The following CDKL1 variants were observed in gnomAD, a reference collection of about 807,000 sequenced individuals.
CDKL1 encodes cyclin dependent kinase like 1.
CDKL1 carries 41 observed loss-of-function variants against 42.0 expected under a neutral mutation model. The ratio of observed to expected loss-of-function variants is 0.98; its 90% CI spans 0.76 to 1.27. The LOEUF is 1.27. CDKL1 is among the 50% of genes most tolerant of loss of function. CDKL1 has a pLI of 0.00. For synonymous variants in CDKL1, 153 were observed against 158.6 expected (o/e 0.96, Z 0.26); for missense variants, 394 against 428.4 (o/e 0.92, Z 0.71).
intron 2 of CDKL1, chr14:50,390,466 TTATTCTATTG>T (rs1183301540): frequency 8.7e-7 from 1 of 1,152,084 alleles, no homozygotes; most frequent in African/African-American, 1.6e-5. Flanking sequence ...AGTAATACAA[TTATTCTATTG>T]TATTACTTTG....
chr14:50,340,906 C>A (rs11570840), intron 6 of CDKL1, 126 bp downstream of exon 6: 1 of 950,718 alleles, frequency 1.1e-6, no homozygotes, highest in African/African-American at 1.7e-5. Flanking sequence ...AATGAGGCTT[C>A]GAGTTTTCCT....
At chr14:50,362,765 GGACCAATCACCTCTCTGTAAAACA>G (rs2034307273) in intron 2 of CDKL1, 2 of 234,074 alleles carry the variant, frequency 8.5e-6, no homozygotes. Context: ...CTGTCAAAAC[GGACCAATCACCTCTCTGTAAAACA>G]GACCAATTGG....
At position 50,390,133 on chromosome 14, in the gene CDKL1, C is replaced by T. The variant is rs750487492; in HGVS notation, c.168+5568G>A. 4 of 1,365,168 alleles carry T rather than the reference C, an allele frequency of 2.9e-6. No individual in the cohort carries two copies. In the Admixed American group the frequency reaches 7.6e-5, roughly 26 times the overall value. The allele number at this position is 1,365,168 out of a possible 1,614,324, so 84.6% of individuals were successfully genotyped here. A position where few individuals can be genotyped will look rare whatever the true frequency, so the allele number is the denominator to read the frequency against. Reference sequence around the variant, plus strand: ...TACTAGGTCCCTTGCCCCTACCTGCCACATAGCAGTAGATGATTCCTTCTC... The same window carrying T: ...TACTAGGTCCCTTGCCCCTACCTGCTACATAGCAGTAGATGATTCCTTCTC... On this transcript the variant is annotated intron_variant, in intron 2 of 9. Coordinates refer to ENST00000395834, the MANE Select transcript of CDKL1 (RefSeq NM_004196.7).
chr14:50,361,150 A>G lies in CDKL1; in HGVS notation c.169-2001T>C, dbSNP rs147773136. 2.8e-3 allele frequency among the ~76,000 whole-genome samples: 425 copies of G among 152,212 alleles called. 2 individuals carry two copies. In the Middle Eastern group the frequency reaches 0.048, roughly 17 times the overall value. Reference sequence around the variant, plus strand: ...GGTATTAATCATAGACAAGCAGGCTACTCCATCAGTGATAAAAGGTAAAAG... The same window carrying G: ...GGTATTAATCATAGACAAGCAGGCTGCTCCATCAGTGATAAAAGGTAAAAG... On this transcript the variant is annotated intron_variant, in intron 2 of 9. Transcript: ENST00000395834.
intron 3 of CDKL1, among the ~76,000 whole-genome samples, chr14:50,352,846 G>C (rs2033943472): frequency 6.6e-6 from 1 of 152,198 alleles, no homozygotes; most frequent in African/African-American, 2.4e-5. Context: ...TAAAACTAGA[G>C]TGCCAACGTA....
At chr14:50,332,955 A>G (rs541606661) in intron 8 of CDKL1, 82 of 307,690 alleles carry the variant, frequency 2.7e-4, no homozygotes, top group African/African-American at 1.6e-3. Context: ...TTGATGCATT[A>G]TAAGTATATA....
intron 4 of CDKL1, chr14:50,342,714 C>T: frequency 2.8e-6 from 1 of 358,382 alleles, no homozygotes; most frequent in South Asian, 4.4e-5. Context: ...CAAATTGGTG[C>T]ATAAGCAGAA....
At chr14:50,378,731 C>G (rs899869366) in intron 2 of CDKL1, among the ~76,000 whole-genome samples, 1 of 152,072 alleles carries the variant, frequency 6.6e-6, no homozygotes, top group Non-Finnish European at 1.5e-5. Flanking sequence ...GAGACAGGGT[C>G]TTACCATCTT....
At chr14:50,388,828 G>A (rs1322166780) in intron 2 of CDKL1, among the ~76,000 whole-genome samples, 1 of 152,100 alleles carries the variant, frequency 6.6e-6, no homozygotes, top group Non-Finnish European at 1.5e-5. Flanking sequence ...AGCTGGGTGT[G>A]GTGGCTCATG....
chr14:50,384,267 C>T (rs148231904), intron 2 of CDKL1, among the ~76,000 whole-genome samples: 2 of 152,328 alleles, frequency 1.3e-5, no homozygotes, highest in African/African-American at 4.8e-5. Context: ...CTGTCCAATC[C>T]CTAAGGCCCC....
In CDKL1 at chr14:50,327,875, AAC is replaced by A. The variant is rs757380688; in HGVS notation, c.*2197_*2198del. On this transcript the variant is annotated 3_prime_UTR_variant, in exon 10 of 10. Transcript: ENST00000395834. ...GTTGTGTTTAACAGCTTATACAAAT[AAC>A]ACAGTATAAATGGTAATTGCCACTG... 1 of 152,216 alleles carries A rather than the reference AAC, an allele frequency of 6.6e-6. No individual in the cohort carries two copies. Among genetic ancestry groups the A allele is most frequent in the Non-Finnish European group, 1.5e-5 (1 of 68,044 alleles). The allele number at this position is 152,216 out of a possible 1,614,324, so 9.4% of individuals were successfully genotyped here. A position where few individuals can be genotyped will look rare whatever the true frequency, so the allele number is the denominator to read the frequency against.
chr14:50,344,842 T>A (rs2033675365), intron 4 of CDKL1, 144 bp downstream of exon 4: 1 of 607,744 alleles, frequency 1.6e-6, no homozygotes, highest in African/African-American at 1.9e-5. Context: ...AGGTTGGCAT[T>A]TTTAGCCTAT....
chr14:50,341,926 C>G (rs763169814), intron 5 of CDKL1, among the ~76,000 whole-genome samples: 7 of 152,204 alleles, frequency 4.6e-5, no homozygotes, highest in Non-Finnish European at 7.3e-5. Context: ...AACTACTTTA[C>G]TGTGGTATAA....
intron 8 of CDKL1, chr14:50,333,390 A>G (rs1446290752): frequency 6.6e-6 from 1 of 152,224 alleles, no homozygotes; most frequent in Non-Finnish European, 1.5e-5. Context: ...ATGTGTTAGC[A>G]TGCTAAAAGA....
At chr14:50,369,640 A>G (rs1189834974) in intron 2 of CDKL1, among the ~76,000 whole-genome samples, 1 of 151,250 alleles carries the variant, frequency 6.6e-6, no homozygotes, top group Non-Finnish European at 1.5e-5. Flanking sequence ...ACACACATAT[A>G]TATATAGTTG....
intron 2 of CDKL1, among the ~76,000 whole-genome samples, chr14:50,377,310 C>CA (rs2139505454): frequency 6.6e-6 from 1 of 152,240 alleles, no homozygotes; most frequent in South Asian, 2.1e-4. Context: ...AGCCTTGGAC[C>CA]AATGGGGGAC....
chr14:50,392,452 AAAT>A (rs56882058), intron 2 of CDKL1, among the ~76,000 whole-genome samples: 13,552 of 134,382 alleles, frequency 0.1, 859 homozygotes, highest in African/African-American at 0.2. Context: ...TCCAAAAAAG[AAAT>A]AATAATAATA....
At chr14:50,346,430 A>C (rs1401069277) in intron 3 of CDKL1, among the ~76,000 whole-genome samples, 1 of 151,860 alleles carries the variant, frequency 6.6e-6, no homozygotes, top group Non-Finnish European at 1.5e-5. Context: ...AAGATGAGAC[A>C]TTAGGGGGAA....
intron 7 of CDKL1, among the ~76,000 whole-genome samples, chr14:50,337,496 C>T (rs1228355498): frequency 2.0e-5 from 3 of 151,700 alleles, no homozygotes; most frequent in African/African-American, 7.3e-5. Context: ...GAGCTATAGG[C>T]ATGTGTCTCC....
Sources: gnomAD v4.1 joint callset for allele counts (sites outside exome capture counted in the v4.1 genomes callset) on GRCh38, gnomAD v4.1.1 for gene constraint, MANE v1.5 for transcripts, NCBI Gene and HGNC (gene_info 2026-07-23, HGNC 2026-07-21) for gene names.